Variants in SECISBP2 observed in about 807,000 individuals in gnomAD.
The protein encoded by SECISBP2 is selenocysteine insertion sequence-binding protein 2.
A neutral mutation model predicts 98.2 loss-of-function variants in SECISBP2; 96 were observed. That is an observed-to-expected ratio of 0.98 (90% CI 0.83 to 1.16). The LOEUF (loss-of-function observed/expected upper bound fraction) is 1.16. Ranked by LOEUF, SECISBP2 falls within the 50% of genes most tolerant of loss-of-function variation. The pLI, the probability that SECISBP2 is intolerant of heterozygous loss-of-function variation, is 0.00. For synonymous variants in SECISBP2, 407 were observed against 370.2 expected, an observed-to-expected ratio of 1.10 and a Z score of -1.14; for missense variants, 1,046 against 1,022.9, an observed-to-expected ratio of 1.02 and a Z score of -0.31.
chr9:89,320,243 G>A (rs1471615229), intron 2 of SECISBP2, among the ~76,000 whole-genome samples: 2 of 151,096 alleles, frequency 1.3e-5, no homozygotes, highest in African/African-American at 4.9e-5. Flanking sequence ...GTAATCCCAG[G>A]TATTCGGGAG....
intron 1 of SECISBP2, chr9:89,318,991 C>T (rs1825207596): frequency 3.8e-6 from 4 of 1,061,722 alleles, no homozygotes; most frequent in Non-Finnish European, 3.4e-6. Flanking sequence ...CTCCGCTCTA[C>T]GTACTCAGCA....
intron 2 of SECISBP2, among the ~76,000 whole-genome samples, chr9:89,320,707 C>T (rs1825656745): frequency 6.6e-6 from 1 of 152,178 alleles, no homozygotes; most frequent in Non-Finnish European, 1.5e-5. Flanking sequence ...CTTACATTTT[C>T]TTTTTCCTTC....
Position 89,319,705 on chromosome 9 carries a change from C to T in SECISBP2, c.90C>T (p.Leu30=). The change falls in exon 2 of 17, where the codon CTC becomes CTT. Residue 30 remains leucine (L), a synonymous_variant. Coordinates refer to ENST00000375807, the MANE Select transcript of SECISBP2 (RefSeq NM_024077.5). ...VKPFVPRFAG[L]NVAWLESSEA... ...CATTTGTCCCCAGATTTGCCGGGCT[C>T]AATGTGGCATGGTTAGAGTCCTCAG... The T allele has an allele frequency of 6.2e-7, 1 of 1,614,168 alleles. No homozygotes were observed. Among genetic ancestry groups the T allele is most frequent in the Non-Finnish European group, 8.5e-7 (1 of 1,180,012 alleles).
downstream of SECISBP2, chr9:89,363,480 C>T: frequency 6.2e-7 from 1 of 1,614,078 alleles, no homozygotes; most frequent in African/African-American, 1.3e-5. Flanking sequence ...CCAGCCACAG[C>T]CCTCCAGGCA....
At chr9:89,325,818 A>G in intron 3 of SECISBP2, 79 bp from the exon 4 acceptor site, 1 of 1,596,286 alleles carries the variant, frequency 6.3e-7, no homozygotes, top group Middle Eastern at 1.8e-4. Flanking sequence ...TTGAATTGTG[A>G]ATACTTAATA....
At chr9:89,355,590 C>CA (rs925379182) in intron 14 of SECISBP2, 30,864 of 629,362 alleles carry the variant, frequency 0.049, no homozygotes, top group Non-Finnish European at 0.055. Context: ...GTTTCTCCAC[C>CA]AAAAAAAAAA....
chr9:89,357,206 A>G, intron 14 of SECISBP2: 1 of 627,956 alleles, frequency 1.6e-6, no homozygotes, highest in South Asian at 1.8e-5. Flanking sequence ...AGACAATACC[A>G]GCTGTGTGTT....
intron 10 of SECISBP2, among the ~76,000 whole-genome samples, chr9:89,343,857 A>C (rs994260785): frequency 6.6e-6 from 1 of 152,252 alleles, no homozygotes; most frequent in Non-Finnish European, 1.5e-5. Flanking sequence ...GTATATACCC[A>C]GTAATGGGAT....
downstream of SECISBP2, chr9:89,362,160 G>A: frequency 1.6e-6 from 1 of 607,478 alleles, no homozygotes; most frequent in Non-Finnish European, 2.9e-6. Flanking sequence ...AGAACTTACT[G>A]TCCCAGGTAA....
chr9:89,331,501 G>A (rs1223692101), intron 5 of SECISBP2, among the ~76,000 whole-genome samples: 1 of 152,038 alleles, frequency 6.6e-6, no homozygotes, highest in African/African-American at 2.4e-5. Context: ...TCTACTTAAT[G>A]GATTCAACTT....
At chr9:89,357,681 G>C in intron 15 of SECISBP2, 116 bp downstream of exon 15, 1 of 1,280,216 alleles carries the variant, frequency 7.8e-7, no homozygotes, top group Non-Finnish European at 1.1e-6. Flanking sequence ...GGCTGTCATT[G>C]AGGAGGAGCC....
intron 8 of SECISBP2, 60 bp downstream of exon 8, chr9:89,338,640 A>G (rs1195905973): frequency 1.0e-5 from 16 of 1,552,536 alleles, no homozygotes; most frequent in Non-Finnish European, 1.2e-5. Flanking sequence ...TCTTAAAAGA[A>G]ACTTGGGTTC....
chr9:89,333,373 A>G lies in SECISBP2; in HGVS notation c.880+387A>G, dbSNP rs558797452. 2.6e-5 allele frequency among the ~76,000 whole-genome samples: 4 copies of G among 152,356 alleles called. No homozygotes were observed. In the East Asian group the frequency reaches 5.8e-4, roughly 22 times the overall value. ...ATTTGCCCTATTCAAAGTTCAAACA[A>G]ATTTGCTTAAAAATAACAATAAATT... On this transcript the variant is annotated intron_variant, in intron 6 of 16. Transcript: ENST00000375807.
In SECISBP2 at chr9:89,325,922, C is replaced by T. The variant is rs1160121723; in HGVS notation, c.458C>T (p.Thr153Met). Residue 153 changes from threonine (T) to methionine (M), a missense_variant, in exon 4 of 17, where the codon ACG (threonine) becomes ATG (methionine). By Grantham distance (81) the Thr-to-Met change is moderately conservative. Transcript: ENST00000375807. ...FKKKTYDEKK[T>M]YDQQKFDSER... ...AAGAAAACCTATGATGAGAAAAAAA[C>T]GTATGATCAGCAAAAGTTTGACAGT... The T allele has an allele frequency of 9.3e-6, 15 of 1,613,668 alleles. No homozygotes were observed. Among genetic ancestry groups the T allele is most frequent in the Middle Eastern group, 1.6e-4 (1 of 6,084 alleles).
At position 89,325,692 on chromosome 9, in the gene SECISBP2, G is replaced by A; in HGVS notation, c.432+16G>A. On this transcript the variant is annotated intron_variant, in intron 3 of 16. Coordinates refer to ENST00000375807, the MANE Select transcript of SECISBP2 (RefSeq NM_024077.5). The stretch of plus-strand genomic sequence containing the variant: ...TCTGTTTAAGGTGAGTAGTGATGTT[G>A]TTTTGTTGTGTCCTTTAGTTGGTTG... 1 of 1,614,138 alleles carries A rather than the reference G, an allele frequency of 6.2e-7. No individual in the cohort carries two copies. The highest frequency in any genetic ancestry group is 1.3e-5 in the African/African-American group (1 of 75,044).
downstream of SECISBP2, chr9:89,364,322 A>T: frequency 2.9e-6 from 1 of 345,782 alleles, no homozygotes; most frequent in Non-Finnish European, 5.7e-6. Context: ...ATGTCCTGTG[A>T]CCACATGGAC....
intron 7 of SECISBP2, among the ~76,000 whole-genome samples, chr9:89,336,108 T>TTTTTTTTTTC (rs1554720204): frequency 1.5e-5 from 2 of 133,650 alleles, no homozygotes; most frequent in African/African-American, 5.4e-5. Flanking sequence ...TTTTTTTTTT[T>TTTTTTTTTTC]CACTGCAGCT....
chr9:89,349,051 CA>C (rs889855510), intron 12 of SECISBP2, among the ~76,000 whole-genome samples: 2 of 152,316 alleles, frequency 1.3e-5, no homozygotes, highest in Admixed American at 6.5e-5. Context: ...AGCTCCTGCC[CA>C]ATGGGTTTCT....
In SECISBP2 at chr9:89,325,424, T is replaced by C. The variant is rs1826522437; in HGVS notation, c.183-3T>C. On this transcript the variant is annotated splice_region_variant and splice_polypyrimidine_tract_variant and intron_variant, in intron 2 of 16. Transcript: ENST00000375807. ...GCAACTAAAGTTTACACTTTTTACT[T>C]AGGCAGAAAATATATACTGAAGACA... The C allele has an allele frequency of 6.2e-7, 1 of 1,613,916 alleles. No homozygotes were observed. The highest frequency in any genetic ancestry group is 8.5e-7 in the Non-Finnish European group (1 of 1,179,926).
Sources: gnomAD v4.1 joint callset for allele counts (sites outside exome capture counted in the v4.1 genomes callset) on GRCh38, gnomAD v4.1.1 for gene constraint, MANE v1.5 for transcripts, NCBI Gene and HGNC (gene_info 2026-07-23, HGNC 2026-07-21) for gene names.